Variants in ARHGAP6 observed in about 807,000 individuals in gnomAD.
ARHGAP6 encodes the protein rho GTPase-activating protein 6.
In ARHGAP6, 16 loss-of-function variants were observed where a neutral mutation model predicts 55.7. That is an observed-to-expected ratio of 0.29 (90% CI 0.19 to 0.44). The LOEUF is 0.44. Ranked by LOEUF, ARHGAP6 falls within the 20% of genes least tolerant of loss-of-function variation. The pLI is 1.00. For synonymous variants in ARHGAP6, 382 were observed against 360.9 expected, an observed-to-expected ratio of 1.06 and a Z score of -0.66; for missense variants, 698 against 808.9, an observed-to-expected ratio of 0.86 and a Z score of 1.66.
chrX:11,619,658 G>T (rs184853981), intron 1 of ARHGAP6, among the ~76,000 whole-genome samples: 1 of 111,994 alleles, frequency 8.9e-6, no homozygotes, highest in Non-Finnish European at 1.9e-5. Flanking sequence ...AGAAATCTGT[G>T]TGTGACAAAG....
intron 8 of ARHGAP6, among the ~76,000 whole-genome samples, chrX:11,174,539 T>TTCCA (rs1309897757): frequency 1.4e-5 from 1 of 72,392 alleles, no homozygotes; most frequent in Admixed American, 1.6e-4. Context: ...CCTTCCTTCC[T>TTCCA]TCCTTCCTTC....
At chrX:11,295,219 A>C (rs1045634640) in intron 1 of ARHGAP6, among the ~76,000 whole-genome samples, 1 of 111,487 alleles carries the variant, frequency 9.0e-6, no homozygotes, top group Non-Finnish European at 1.9e-5. Context: ...TATTACAGAG[A>C]TGCCAGTTTT....
intron 1 of ARHGAP6, among the ~76,000 whole-genome samples, chrX:11,335,468 G>A (rs759281409): frequency 2.7e-5 from 3 of 111,103 alleles, no homozygotes; most frequent in Admixed American, 9.6e-5. Context: ...GAGAACATGC[G>A]CTGTTTGGTT....
At position 11,362,650 on chromosome X, in the gene ARHGAP6, T is replaced by TATA. The variant is rs111272294; in HGVS notation, c.589-107946_589-107944dup. On this transcript the variant is annotated intron_variant, in intron 1 of 12. Transcript: ENST00000337414. ...TGCATATGTACCCTAAAACTTAAAG[T>TATA]ATAATAATAATAATAATAATAATAA... Among the ~76,000 whole-genome samples the TATA allele has an allele frequency of 5.3e-3, 576 of 108,201 alleles. 1 individual carries two copies. Among genetic ancestry groups the TATA allele is most frequent in the African/African-American group, 0.013 (373 of 29,767 alleles). 94.0% of individuals were successfully genotyped at this position (108,201 alleles called of 115,157 possible).
At chrX:11,270,472 C>T (rs1279071488) in intron 1 of ARHGAP6, among the ~76,000 whole-genome samples, 2 of 111,428 alleles carry the variant, frequency 1.8e-5, no homozygotes, top group African/African-American at 6.5e-5. Context: ...GCAATGACCT[C>T]CAGGAATAAG....
intron 1 of ARHGAP6, among the ~76,000 whole-genome samples, chrX:11,617,063 T>C (rs1276452619): frequency 5.3e-5 from 6 of 112,362 alleles, no homozygotes; most frequent in African/African-American, 1.3e-4. Context: ...CATGCAGCTA[T>C]TGAGCACATG....
At chrX:11,452,397 C>T (rs1237895986) in intron 1 of ARHGAP6, among the ~76,000 whole-genome samples, 1 of 111,733 alleles carries the variant, frequency 8.9e-6, no homozygotes, top group African/African-American at 3.3e-5. Flanking sequence ...ATCCGCCCAC[C>T]TCAGCCTCCC....
At chrX:11,342,803 A>T (rs1252902353) in intron 1 of ARHGAP6, among the ~76,000 whole-genome samples, 1 of 112,572 alleles carries the variant, frequency 8.9e-6, no homozygotes, top group Non-Finnish European at 1.9e-5. Context: ...ATTTCTTCAC[A>T]AATGTGTACA....
chrX:11,466,528 A>G (rs1261064852), intron 1 of ARHGAP6, among the ~76,000 whole-genome samples: 2 of 111,461 alleles, frequency 1.8e-5, no homozygotes, highest in African/African-American at 6.5e-5. Flanking sequence ...CTATAGACAC[A>G]AAGTCTTGTT....
At chrX:11,394,142 G>C (rs932758344) in intron 1 of ARHGAP6, among the ~76,000 whole-genome samples, 3 of 111,828 alleles carry the variant, frequency 2.7e-5, no homozygotes, top group African/African-American at 9.7e-5. Flanking sequence ...TGCACTCACA[G>C]ATAAGTAGAT....
At chrX:11,166,563 C>T (rs2046019952) in intron 9 of ARHGAP6, among the ~76,000 whole-genome samples, 1 of 112,035 alleles carries the variant, frequency 8.9e-6, no homozygotes, top group Admixed American at 9.5e-5. Flanking sequence ...ACATTTTTGT[C>T]CACCCATGCA....
At chrX:11,169,941 T>C (rs2046067259) in intron 8 of ARHGAP6, among the ~76,000 whole-genome samples, 1 of 110,815 alleles carries the variant, frequency 9.0e-6, no homozygotes. Context: ...TATTGTAAAA[T>C]GGGTACTACA....
chrX:11,339,005 T>C (rs967944016), intron 1 of ARHGAP6, among the ~76,000 whole-genome samples: 3 of 112,159 alleles, frequency 2.7e-5, no homozygotes, highest in African/African-American at 9.7e-5. Flanking sequence ...CAACATCTCT[T>C]AGTCAATCCT....
At chrX:11,289,703 T>C (rs1470579742) in intron 1 of ARHGAP6, among the ~76,000 whole-genome samples, 2 of 112,205 alleles carry the variant, frequency 1.8e-5, no homozygotes, top group Non-Finnish European at 3.8e-5. Context: ...TGTTACTTCA[T>C]AGGCCAGGCG....
chrX:11,426,364 T>A (rs1393090479), intron 1 of ARHGAP6, among the ~76,000 whole-genome samples: 3 of 111,082 alleles, frequency 2.7e-5, no homozygotes, highest in Non-Finnish European at 5.7e-5. Flanking sequence ...AAACAATTTT[T>A]TTTTTTTTTA....
rs763520287 is a variant in ARHGAP6 at position 11,538,915 on chromosome X, C to T, written c.588+125326G>A. ...CCAGGCTGGAGTGCAGCTGCAGTGG[C>T]GTGATCTCAATTCACTGCAACCTCT... On this transcript the variant is annotated intron_variant, in intron 1 of 12. Transcript: ENST00000337414. Among the ~76,000 whole-genome samples, 24 of 104,770 alleles carry T rather than the reference C, an allele frequency of 2.3e-4. No homozygotes were observed. In the South Asian group the frequency reaches 9.7e-3, roughly 42 times the overall value. 91.0% of individuals were successfully genotyped at this position (104,770 alleles called of 115,157 possible).
chrX:11,380,484 A>C (rs1289596234), intron 1 of ARHGAP6, among the ~76,000 whole-genome samples: 1 of 111,926 alleles, frequency 8.9e-6, no homozygotes, highest in African/African-American at 3.2e-5. Flanking sequence ...GATTGTGTCT[A>C]GCTCAATAGA....
intron 1 of ARHGAP6, among the ~76,000 whole-genome samples, chrX:11,471,561 T>A (rs2050346910): frequency 8.9e-6 from 1 of 112,500 alleles, no homozygotes; most frequent in African/African-American, 3.2e-5. Context: ...TGTATGTGAA[T>A]AAATTATAAA....
At chrX:11,242,433 A>AT (rs752716935) in intron 2 of ARHGAP6, among the ~76,000 whole-genome samples, 2 of 111,156 alleles carry the variant, frequency 1.8e-5, no homozygotes, top group East Asian at 2.8e-4. Flanking sequence ...AAGTTATATG[A>AT]TTTTTTTTAA....
Sources: gnomAD v4.1 joint callset for allele counts (sites outside exome capture counted in the v4.1 genomes callset) on GRCh38, gnomAD v4.1.1 for gene constraint, MANE v1.5 for transcripts, NCBI Gene and HGNC (gene_info 2026-07-23, HGNC 2026-07-21) for gene names.